The following ACYP2 variants were observed in gnomAD, a reference collection of about 807,000 sequenced individuals.
ACYP2 encodes the protein acylphosphatase-2.
ACYP2 carries 12 observed loss-of-function variants against 11.2 expected under a neutral mutation model. The observed-to-expected ratio is 1.08, with a 90% CI of 0.69 to 1.74. The LOEUF is 1.74. Ranked by LOEUF, ACYP2 falls within the 40% of genes most tolerant of loss-of-function variation. The probability of loss-of-function intolerance (pLI) is 0.00; values close to 1 mark genes in which losing one functional copy is unlikely to be tolerated. For synonymous variants in ACYP2, 43 were observed against 32.2 expected, an observed-to-expected ratio of 1.33 and a Z score of -1.13; for missense variants, 134 against 101.9, an observed-to-expected ratio of 1.31 and a Z score of -1.35.
intron 2 of ACYP2, among the ~76,000 whole-genome samples, chr2:53,984,694 G>C (rs1337671129): frequency 1.3e-5 from 2 of 151,158 alleles, no homozygotes; most frequent in African/African-American, 4.9e-5. Flanking sequence ...GACCAAGCAA[G>C]GTTTATTGCA....
At chr2:54,109,356 G>A (rs573265982) in intron 4 of ACYP2, among the ~76,000 whole-genome samples, 128 of 152,244 alleles carry the variant, frequency 8.4e-4, no homozygotes, top group African/African-American at 2.8e-3. Context: ...TGGAAGCTAA[G>A]CTATGAGGAT....
intron 2 of ACYP2, among the ~76,000 whole-genome samples, chr2:53,996,887 A>G (rs1672597949): frequency 6.6e-6 from 1 of 152,132 alleles, no homozygotes; most frequent in South Asian, 2.1e-4. Flanking sequence ...CTAAAAGATC[A>G]TTTTTACCTT....
At chr2:54,111,150 C>A (rs891637836) in intron 4 of ACYP2, among the ~76,000 whole-genome samples, 5 of 152,048 alleles carry the variant, frequency 3.3e-5, no homozygotes. Context: ...AATACAGAAG[C>A]TGGGATACGG....
At chr2:54,201,513 G>T (rs1396301051) in intron 6 of ACYP2, among the ~76,000 whole-genome samples, 1 of 151,998 alleles carries the variant, frequency 6.6e-6, no homozygotes, top group East Asian at 1.9e-4. Flanking sequence ...TCTGTAGGCT[G>T]TTTTTTCACT....
chr2:54,031,575 G>A (rs369626367), intron 2 of ACYP2, among the ~76,000 whole-genome samples: 12 of 152,140 alleles, frequency 7.9e-5, no homozygotes, highest in East Asian at 3.9e-4. Context: ...GAATAGTGCC[G>A]CAATAAACAT....
chr2:53,973,912 T>A (rs1209874815), intron 2 of ACYP2: 9,969 of 133,724 alleles, frequency 0.075, 959 homozygotes, highest in African/African-American at 0.1. Context: ...TATATATTTT[T>A]TTTTTTTTTT....
chr2:54,074,164 AC>A (rs1677205476), intron 4 of ACYP2, among the ~76,000 whole-genome samples: 1 of 152,040 alleles, frequency 6.6e-6, no homozygotes, highest in South Asian at 2.1e-4. Context: ...ACATAGTGAG[AC>A]CCCCATTTCT....
chr2:54,157,612 G>T (rs895494468), intron 6 of ACYP2, among the ~76,000 whole-genome samples: 10 of 152,170 alleles, frequency 6.6e-5, no homozygotes, highest in African/African-American at 2.4e-4. Context: ...TTAGGTACTA[G>T]AATTCAGCAG....
chr2:54,163,198 TAGTAAGGCCA>T (rs1682802475), intron 6 of ACYP2, among the ~76,000 whole-genome samples: 1 of 152,206 alleles, frequency 6.6e-6, no homozygotes, highest in African/African-American at 2.4e-5. Context: ...AAATAGCACA[TAGTAAGGCCA>T]TAACCATGCC....
intron 2 of ACYP2, among the ~76,000 whole-genome samples, chr2:54,009,482 G>A (rs1673249577): frequency 6.6e-6 from 1 of 152,146 alleles, no homozygotes; most frequent in Non-Finnish European, 1.5e-5. Flanking sequence ...GCTGAGGCAA[G>A]AGAAGCACTT....
At chr2:54,216,253 T>C (rs1417265202) in intron 6 of ACYP2, among the ~76,000 whole-genome samples, 2 of 152,212 alleles carry the variant, frequency 1.3e-5, no homozygotes, top group East Asian at 1.9e-4. Context: ...ATTTATACTG[T>C]TTTGATTATC....
intron 2 of ACYP2, among the ~76,000 whole-genome samples, chr2:54,024,048 A>G (rs915786007): frequency 6.6e-6 from 1 of 152,178 alleles, no homozygotes; most frequent in Non-Finnish European, 1.5e-5. Context: ...CCTCAACAAA[A>G]TACTAGCTAA....
intron 6 of ACYP2, among the ~76,000 whole-genome samples, chr2:54,258,226 G>T (rs1264404925): frequency 1.3e-5 from 2 of 152,222 alleles, no homozygotes; most frequent in Non-Finnish European, 2.9e-5. Context: ...CCTGGGGGTA[G>T]GGAGTGGGGA....
At chr2:54,176,617 G>A (rs1251977884) in intron 6 of ACYP2, among the ~76,000 whole-genome samples, 1 of 152,170 alleles carries the variant, frequency 6.6e-6, no homozygotes, top group Non-Finnish European at 1.5e-5. Context: ...ATCACCCAGA[G>A]TCAGTCATGT....
chr2:54,155,452 G>T (rs1306391231), intron 6 of ACYP2, among the ~76,000 whole-genome samples: 1 of 152,116 alleles, frequency 6.6e-6, no homozygotes, highest in African/African-American at 2.4e-5. Flanking sequence ...TTAGGAACTG[G>T]ACCACACAGC....
chr2:54,161,891 A>G (rs1395731805), intron 6 of ACYP2, among the ~76,000 whole-genome samples: 1 of 152,082 alleles, frequency 6.6e-6, no homozygotes, highest in African/African-American at 2.4e-5. Context: ...TGGTTTTTAT[A>G]TATTCTTTTA....
chr2:54,151,104 G>T (rs1177290739), intron 6 of ACYP2, among the ~76,000 whole-genome samples: 4 of 152,138 alleles, frequency 2.6e-5, no homozygotes, highest in Non-Finnish European at 4.4e-5. Context: ...CATAGTTCAA[G>T]AGTTAGAATT....
chr2:54,029,771 G>A, intron 2 of ACYP2: 1 of 594,148 alleles, frequency 1.7e-6, no homozygotes, highest in Non-Finnish European at 3.2e-6. Flanking sequence ...GAACATTGTA[G>A]GCTCTTCCAG....
At chr2:54,246,332 G>A (rs1465492481) in intron 6 of ACYP2, among the ~76,000 whole-genome samples, 2 of 151,990 alleles carry the variant, frequency 1.3e-5, no homozygotes, top group East Asian at 3.8e-4. Flanking sequence ...AATTAGCTTA[G>A]GGAGAACAAC....
Sources: gnomAD v4.1 joint callset for allele counts (sites outside exome capture counted in the v4.1 genomes callset) on GRCh38, gnomAD v4.1.1 for gene constraint, MANE v1.5 for transcripts, NCBI Gene and HGNC (gene_info 2026-07-23, HGNC 2026-07-21) for gene names.